Variants in SNX29 observed in about 807,000 individuals in gnomAD.
SNX29 encodes sorting nexin 29.
A neutral mutation model predicts 102.1 loss-of-function variants in SNX29; 78 were observed. The ratio of observed to expected loss-of-function variants is 0.76; its 90% CI spans 0.64 to 0.92. The LOEUF (loss-of-function observed/expected upper bound fraction) is 0.92, where lower values mean the gene tolerates loss of function less well. Ranked by LOEUF, SNX29 falls within the 40% of genes least tolerant of loss-of-function variation. SNX29 has a pLI of 0.00. For synonymous variants in SNX29, 580 were observed against 414.5 expected, an observed-to-expected ratio of 1.40 and a Z score of -4.85; for missense variants, 1,280 against 1,061.7, an observed-to-expected ratio of 1.21 and a Z score of -2.86.
At chr16:12,344,551 A>AATGGAT (rs1567459587) in intron 15 of SNX29, among the ~76,000 whole-genome samples, 5 of 152,178 alleles carry the variant, frequency 3.3e-5, no homozygotes, top group African/African-American at 1.2e-4. Context: ...AATGAATGAA[A>AATGGAT]GAATCTGAGA....
chr16:12,262,013 T>G (rs901280622), intron 14 of SNX29, among the ~76,000 whole-genome samples: 3 of 140,948 alleles, frequency 2.1e-5, no homozygotes, highest in South Asian at 2.4e-4. Flanking sequence ...GAGTGAGTGT[T>G]TGCTGAGCTC....
chr16:12,394,608 A>G (rs1397872610), intron 16 of SNX29, among the ~76,000 whole-genome samples: 1 of 152,126 alleles, frequency 6.6e-6, no homozygotes, highest in Non-Finnish European at 1.5e-5. Context: ...CTGGACATCC[A>G]AGATGGTGCT....
chr16:12,206,814 G>GTGTT (rs1788478701), intron 14 of SNX29, among the ~76,000 whole-genome samples: 1 of 121,636 alleles, frequency 8.2e-6, no homozygotes, highest in Non-Finnish European at 1.7e-5. Context: ...GAATGAGGTG[G>GTGTT]TTTTTTTTTT....
At chr16:12,424,474 C>T (rs572260065) in intron 18 of SNX29, among the ~76,000 whole-genome samples, 9 of 152,200 alleles carry the variant, frequency 5.9e-5, no homozygotes, top group African/African-American at 1.2e-4. Context: ...CTTCCTTGGG[C>T]GACTAGAACC....
chr16:11,996,908 GA>G (rs751544257), intron 1 of SNX29, among the ~76,000 whole-genome samples: 70 of 152,158 alleles, frequency 4.6e-4, no homozygotes, highest in Non-Finnish European at 8.7e-4. Context: ...ACCTCTTCCA[GA>G]AAAAAATACT....
chr16:12,508,000 G>C (rs1032055383), intron 19 of SNX29, among the ~76,000 whole-genome samples: 7 of 152,326 alleles, frequency 4.6e-5, no homozygotes, highest in Middle Eastern at 3.4e-3. Flanking sequence ...AAGCCGTGTG[G>C]ACCTGGGTTC....
At chr16:12,490,425 C>G (rs1238749134) in intron 19 of SNX29, among the ~76,000 whole-genome samples, 2 of 152,148 alleles carry the variant, frequency 1.3e-5, no homozygotes, top group Non-Finnish European at 2.9e-5. Context: ...TGTGAATACA[C>G]CACAGTTTAT....
At chr16:12,341,344 C>T (rs141646695) in intron 15 of SNX29, among the ~76,000 whole-genome samples, 1 of 152,364 alleles carries the variant, frequency 6.6e-6, no homozygotes, top group African/African-American at 2.4e-5. Context: ...ATGATACCTA[C>T]TTCCTGTGGC....
intron 16 of SNX29, among the ~76,000 whole-genome samples, chr16:12,394,638 G>A (rs2083655050): frequency 6.6e-6 from 1 of 152,162 alleles, no homozygotes; most frequent in Non-Finnish European, 1.5e-5. Context: ...CTGGTAGTTG[G>A]TGCTGGCTAT....
At chr16:12,065,478 T>A (rs1567174974) in intron 9 of SNX29, among the ~76,000 whole-genome samples, 1 of 152,210 alleles carries the variant, frequency 6.6e-6, no homozygotes, top group Admixed American at 6.5e-5. Context: ...AAGGGCTTTC[T>A]TAGGTTCCTT....
chr16:12,527,168 C>G (rs1217031551), intron 20 of SNX29: 1 of 520,630 alleles, frequency 1.9e-6, no homozygotes, highest in Middle Eastern at 2.9e-4. Flanking sequence ...CCTTTTTGAG[C>G]AGGATGGGAT....
chr16:12,125,234 T>TG, intron 11 of SNX29, among the ~76,000 whole-genome samples: 1 of 152,228 alleles, frequency 6.6e-6, no homozygotes, highest in African/African-American at 2.4e-5. Flanking sequence ...AAGAACATTT[T>TG]GGGGGGCATG....
chr16:12,492,258 A>T (rs1415046083), intron 19 of SNX29, among the ~76,000 whole-genome samples: 1 of 152,052 alleles, frequency 6.6e-6, no homozygotes, highest in Non-Finnish European at 1.5e-5. Flanking sequence ...TGTGGTTTTG[A>T]TTTGCATTTC....
chr16:12,019,284 G>A (rs937767056), intron 3 of SNX29, among the ~76,000 whole-genome samples: 10 of 151,106 alleles, frequency 6.6e-5, no homozygotes, highest in African/African-American at 1.9e-4. Flanking sequence ...CTCGGCTCAC[G>A]GCAAGCTCCG....
At chr16:12,411,404 C>T (rs1357990370) in intron 18 of SNX29, among the ~76,000 whole-genome samples, 2 of 152,178 alleles carry the variant, frequency 1.3e-5, no homozygotes, top group South Asian at 2.1e-4. Context: ...AGCACATGAA[C>T]CCCTAGCTGT....
chr16:12,163,807 G>T (rs9934429), intron 13 of SNX29, among the ~76,000 whole-genome samples: 1 of 152,188 alleles, frequency 6.6e-6, no homozygotes, highest in African/African-American at 2.4e-5. Flanking sequence ...AGCTGATGCA[G>T]GCTCTGTTTC....
chr16:12,425,296 C>T (rs757889622), intron 18 of SNX29, among the ~76,000 whole-genome samples: 11 of 152,096 alleles, frequency 7.2e-5, no homozygotes, highest in East Asian at 3.9e-4. Context: ...AGGATGGCAA[C>T]GTGGATGTGG....
intron 19 of SNX29, among the ~76,000 whole-genome samples, chr16:12,514,962 C>T (rs1436142968): frequency 6.6e-6 from 1 of 151,726 alleles, no homozygotes; most frequent in African/African-American, 2.4e-5. Flanking sequence ...GAAAAAAGCC[C>T]CTCTCTCGAT....
At chr16:12,407,705 A>T (rs1363507620) in intron 18 of SNX29, among the ~76,000 whole-genome samples, 1 of 152,230 alleles carries the variant, frequency 6.6e-6, no homozygotes, top group Non-Finnish European at 1.5e-5. Context: ...AATCAAAGGC[A>T]CAGAGAAGCA....
Sources: allele counts gnomAD v4.1 joint callset (sites outside exome capture counted in the v4.1 genomes callset), GRCh38; gene constraint gnomAD v4.1.1; transcripts MANE v1.5; gene names NCBI Gene and HGNC (gene_info 2026-07-23, HGNC 2026-07-21).